The following NYAP2 variants were observed in gnomAD, a reference collection of about 807,000 sequenced individuals.
The protein encoded by NYAP2 is neuronal tyrosine-phosphorylated phosphoinositide-3-kinase adaptor 2, also known as neuronal tyrosine-phosphorylated phosphoinositide-3-kinase adapter 2.
A neutral mutation model predicts 50.4 loss-of-function variants in NYAP2; 23 were observed. That is an observed-to-expected ratio of 0.46 (90% CI 0.33 to 0.65). NYAP2 has a LOEUF of 0.65. Ranked by LOEUF, NYAP2 falls within the 30% of genes least tolerant of loss-of-function variation. The pLI is 0.02. For synonymous variants in NYAP2, 394 were observed against 365.2 expected (o/e 1.08, Z -0.90); for missense variants, 885 against 861.0 (o/e 1.03, Z -0.35).
chr2:225,513,311 T>G, intron 3 of NYAP2, 60 bp from the exon 4 acceptor site: 31 of 1,490,496 alleles, frequency 2.1e-5, no homozygotes, highest in Non-Finnish European at 2.6e-5. Context: ...CTCACATGTA[T>G]GATCTTGTAT....
chr2:225,699,734 CATTTT>C, the NYAP2 span: 1 of 151,642 alleles, frequency 6.6e-6, no homozygotes, highest in African/African-American at 2.4e-5. Context: ...TGTTTCATTT[CATTTT>C]GTTTCAAGAA....
intron 3 of NYAP2, among the ~76,000 whole-genome samples, chr2:225,488,616 G>A (rs534662099): frequency 4.6e-5 from 7 of 152,174 alleles, no homozygotes; most frequent in East Asian, 1.9e-4. Flanking sequence ...TCAAATGATC[G>A]CCCACCTTGG....
At chr2:225,569,999 C>A (rs565504580) in intron 4 of NYAP2, among the ~76,000 whole-genome samples, 1 of 152,282 alleles carries the variant, frequency 6.6e-6, no homozygotes, top group Admixed American at 6.5e-5. Flanking sequence ...AGTAGTAGAG[C>A]TGAGGAAATG....
At chr2:225,561,380 T>G (rs1037213082) in intron 4 of NYAP2, among the ~76,000 whole-genome samples, 1 of 151,904 alleles carries the variant, frequency 6.6e-6, no homozygotes, top group South Asian at 2.1e-4. Flanking sequence ...AAGCCAGAGG[T>G]GGCTGGAACA....
chr2:225,419,271 G>A (rs527844863), intron 3 of NYAP2, among the ~76,000 whole-genome samples: 3 of 152,320 alleles, frequency 2.0e-5, no homozygotes, highest in East Asian at 1.9e-4. Context: ...AAGATGCTCC[G>A]ATAACGGGAA....
At chr2:225,551,641 T>A (rs979850613) in intron 4 of NYAP2, among the ~76,000 whole-genome samples, 11 of 152,138 alleles carry the variant, frequency 7.2e-5, no homozygotes, top group Non-Finnish European at 1.3e-4. Context: ...TAAGAAGAGA[T>A]CAACCCATCA....
the NYAP2 span, among the ~76,000 whole-genome samples, chr2:225,688,150 T>C: frequency 6.6e-6 from 1 of 152,046 alleles, no homozygotes; most frequent in African/African-American, 2.4e-5. Context: ...ATGTCCAGAG[T>C]TTGAAAAAGA....
chr2:225,411,747 G>A (rs1287533404), intron 3 of NYAP2, among the ~76,000 whole-genome samples: 2 of 151,996 alleles, frequency 1.3e-5, no homozygotes, highest in Non-Finnish European at 2.9e-5. Flanking sequence ...AGTGTCAAAA[G>A]CGATTAAAGA....
chr2:225,447,455 A>G lies in NYAP2; in HGVS notation c.221+38354A>G, dbSNP rs958502580. Among the ~76,000 whole-genome samples, 3 of 152,334 alleles carry G rather than the reference A, an allele frequency of 2.0e-5. No homozygotes were observed. The East Asian group carries it at 5.8e-4, about 29-fold the overall frequency. ...AATAAACTCCAAGCTTATTATATAG[A>G]TGGAGAGAGTTCTACATTAAGACAA... On this transcript the variant is annotated intron_variant, in intron 3 of 6. Transcript: ENST00000636099.
intron 5 of NYAP2, among the ~76,000 whole-genome samples, chr2:225,589,891 C>T (rs1692466218): frequency 6.6e-6 from 1 of 152,000 alleles, no homozygotes; most frequent in Non-Finnish European, 1.5e-5. Context: ...ATGAGAGAAT[C>T]CTCAGCCTGT....
intron 5 of NYAP2, among the ~76,000 whole-genome samples, chr2:225,600,763 C>A (rs1692678849): frequency 6.6e-6 from 1 of 152,190 alleles, no homozygotes; most frequent in African/African-American, 2.4e-5. Context: ...TCTACTTTGT[C>A]TTGAATACTT....
At chr2:225,637,269 C>G (rs892909569) in intron 6 of NYAP2, among the ~76,000 whole-genome samples, 7 of 152,010 alleles carry the variant, frequency 4.6e-5, no homozygotes, top group Non-Finnish European at 7.4e-5. Flanking sequence ...ATGAGTTCTC[C>G]GTTATATTCA....
chr2:225,503,961 G>C (rs1280419053), intron 3 of NYAP2, among the ~76,000 whole-genome samples: 2 of 151,994 alleles, frequency 1.3e-5, no homozygotes, highest in Non-Finnish European at 2.9e-5. Context: ...AAAATGTATT[G>C]ATATGATTAG....
At chr2:225,551,248 C>T in intron 4 of NYAP2, among the ~76,000 whole-genome samples, 1 of 152,282 alleles carries the variant, frequency 6.6e-6, no homozygotes. Context: ...ATATGATTTG[C>T]TTGGCCAATG....
At chr2:225,585,194 A>G (rs1005040301) in intron 5 of NYAP2, among the ~76,000 whole-genome samples, 1 of 152,200 alleles carries the variant, frequency 6.6e-6, no homozygotes, top group African/African-American at 2.4e-5. Flanking sequence ...TAAGGTATTT[A>G]GAATAAGAGA....
the NYAP2 span, among the ~76,000 whole-genome samples, chr2:225,686,245 A>G: frequency 3.3e-5 from 5 of 152,124 alleles, no homozygotes; most frequent in Non-Finnish European, 7.4e-5. Context: ...CTGATTTTGT[A>G]TTAGTTGTCA....
chr2:225,620,387 G>A (rs1011768085), intron 5 of NYAP2, among the ~76,000 whole-genome samples: 3 of 150,394 alleles, frequency 2.0e-5, no homozygotes, highest in Non-Finnish European at 1.5e-5. Context: ...GCACCCACAC[G>A]CACGCACGCA....
At chr2:225,605,852 C>T (rs1371267287) in intron 5 of NYAP2, among the ~76,000 whole-genome samples, 3 of 151,948 alleles carry the variant, frequency 2.0e-5, no homozygotes, top group Non-Finnish European at 4.4e-5. Flanking sequence ...AAATAAAATG[C>T]TTTCATTTTA....
intron 4 of NYAP2, among the ~76,000 whole-genome samples, chr2:225,573,938 T>A (rs1386369306): frequency 2.0e-5 from 3 of 152,202 alleles, no homozygotes; most frequent in Admixed American, 2.0e-4. Context: ...TATCTATTGA[T>A]AGACAGAATG....
Sources: allele counts gnomAD v4.1 joint callset (sites outside exome capture counted in the v4.1 genomes callset), GRCh38; gene constraint gnomAD v4.1.1; transcripts MANE v1.5; gene names NCBI Gene and HGNC (gene_info 2026-07-23, HGNC 2026-07-21).